Variants in SYNE2 observed in about 807,000 individuals in gnomAD.
SYNE2 encodes nesprin-2.
SYNE2 carries 431 observed loss-of-function variants against 856.3 expected under a neutral mutation model. The observed-to-expected ratio is 0.50, with a 90% CI of 0.47 to 0.55. The LOEUF (loss-of-function observed/expected upper bound fraction) is 0.55. Ranked by LOEUF, SYNE2 falls within the 20% of genes least tolerant of loss-of-function variation. The pLI is 0.00. For missense variants in SYNE2, 8,129 were observed against 8,023.2 expected (o/e 1.01, Z -0.50); for synonymous variants, 2,923 against 2,872.3 (o/e 1.02, Z -0.56).
At position 64,021,822 on chromosome 14, in the gene SYNE2, A is replaced by C. The variant is rs747297473; in HGVS notation, c.5353-35A>C. On this transcript the variant is annotated intron_variant, in intron 36 of 115. Coordinates refer to ENST00000555002, the MANE Select transcript of SYNE2 (RefSeq NM_182914.3). ...GCTTTGTGTAATTTGAGCCTGTTTT[A>C]AGATTTAATGGTTGTTGTTTGTTTA... 2.6e-4 allele frequency: 415 copies of C among 1,610,478 alleles called. 2 individuals carry two copies. The highest frequency in any genetic ancestry group is 3.3e-4 in the Non-Finnish European group (393 of 1,177,134).
intron 31 of SYNE2, among the ~76,000 whole-genome samples, chr14:64,008,984 A>T (rs775409148): frequency 1.3e-5 from 2 of 152,118 alleles, no homozygotes; most frequent in African/African-American, 4.8e-5. Context: ...TCAGAATTCC[A>T]TTTGGGTACA....
chr14:64,100,643 AACAT>A (rs2153639438), intron 63 of SYNE2, among the ~76,000 whole-genome samples: 1 of 147,568 alleles, frequency 6.8e-6, no homozygotes, highest in African/African-American at 2.5e-5. Flanking sequence ...TGAGCTAATT[AACAT>A]ACATGTTACC....
intron 70 of SYNE2, among the ~76,000 whole-genome samples, chr14:64,123,342 C>T (rs1203718413): frequency 6.6e-6 from 1 of 152,236 alleles, no homozygotes; most frequent in Non-Finnish European, 1.5e-5. Context: ...CCCCACTGCG[C>T]ACAAGGCAGG....
intron 2 of SYNE2, among the ~76,000 whole-genome samples, chr14:63,913,394 A>G (rs1390855473): frequency 6.6e-6 from 1 of 151,524 alleles, no homozygotes; most frequent in Non-Finnish European, 1.5e-5. Flanking sequence ...TGCATTCTAT[A>G]TTACTCTGGG....
chr14:63,953,012 G>T (rs570551911), intron 7 of SYNE2, among the ~76,000 whole-genome samples: 5 of 152,268 alleles, frequency 3.3e-5, no homozygotes, highest in Admixed American at 6.5e-5. Flanking sequence ...GTGATGGAGT[G>T]ATTTTTTTAA....
At chr14:63,980,943 A>C in intron 15 of SYNE2, 43 bp from the exon 16 acceptor site, 2 of 1,354,710 alleles carry the variant, frequency 1.5e-6, no homozygotes, top group South Asian at 2.6e-5. Context: ...ATTAATAAAA[A>C]ATTGTTTTCT....
intron 45 of SYNE2, among the ~76,000 whole-genome samples, chr14:64,037,368 C>G (rs1359532670): frequency 6.6e-6 from 1 of 150,976 alleles, no homozygotes; most frequent in Non-Finnish European, 1.5e-5. Flanking sequence ...ATCTGTTTAA[C>G]AAAGCACATC....
intron 1 of SYNE2, among the ~76,000 whole-genome samples, chr14:63,875,309 A>G (rs1045578722): frequency 1.3e-5 from 2 of 152,202 alleles, no homozygotes; most frequent in African/African-American, 4.8e-5. Context: ...AGCATGTGAT[A>G]TAGATAAAAA....
At chr14:64,202,311 C>T (rs2098576287) in intron 99 of SYNE2, 1 of 702,182 alleles carries the variant, frequency 1.4e-6, no homozygotes, top group Admixed American at 2.0e-5. Context: ...AGGAGGGTCC[C>T]ATGAGAGGCC....
chr14:64,006,895 T>A lies in SYNE2; in HGVS notation c.4398-148T>A, dbSNP rs1478701023. On this transcript the variant is annotated intron_variant, in intron 30 of 115. Coordinates refer to ENST00000555002, the MANE Select transcript of SYNE2 (RefSeq NM_182914.3). ...AAAAATTCTGGAAATGCAAAGAGCC[T>A]CCTGAACTCTGTAACAGGAATGTGT... The A allele has an allele frequency of 1.9e-5, 13 of 679,744 alleles. No individual in the cohort carries two copies. In the East Asian group the frequency reaches 2.7e-4, roughly 14 times the overall value. The allele number at this position is 679,744 out of a possible 1,614,324, so 42.1% of individuals were successfully genotyped here. A position where few individuals can be genotyped will look rare whatever the true frequency, so the allele number is the denominator to read the frequency against.
At chr14:63,970,928 C>A (rs1195159063) in intron 11 of SYNE2, among the ~76,000 whole-genome samples, 1 of 151,994 alleles carries the variant, frequency 6.6e-6, no homozygotes, top group Non-Finnish European at 1.5e-5. Flanking sequence ...GCTGGTATTA[C>A]AGACATGAGC....
chr14:64,196,202 G>C (rs1187715456), intron 99 of SYNE2, among the ~76,000 whole-genome samples: 1 of 152,156 alleles, frequency 6.6e-6, no homozygotes, highest in African/African-American at 2.4e-5. Flanking sequence ...TACGTTTCAA[G>C]GTGGGGATAT....
At chr14:63,840,228 G>A (rs149097776) in intron 1 of SYNE2, among the ~76,000 whole-genome samples, 60 of 152,062 alleles carry the variant, frequency 3.9e-4, no homozygotes, top group Non-Finnish European at 6.5e-4. Context: ...CTGAGACAGC[G>A]TCATTGCACT....
intron 1 of SYNE2, among the ~76,000 whole-genome samples, chr14:63,794,010 C>T (rs1280629846): frequency 6.6e-6 from 1 of 151,678 alleles, no homozygotes; most frequent in African/African-American, 2.4e-5. Context: ...GCCTGAAATA[C>T]CATGGTACCA....
Position 64,000,837 on chromosome 14 carries a change from C to CA in SYNE2, c.3638+119dup, listed in dbSNP as rs2096748359. ...TTATTTTATTTGGATGTCACAACAA[C>CA]AGTAAGAGAGGCTACCATTATGATT... is the stretch of plus-strand genomic sequence containing the variant. On this transcript the variant is annotated intron_variant, in intron 28 of 115. Coordinates refer to ENST00000555002, the MANE Select transcript of SYNE2 (RefSeq NM_182914.3). The CA allele has an allele frequency of 5.5e-6, 5 of 907,992 alleles. No homozygotes were observed. The South Asian group carries it at 6.1e-5, about 11-fold the overall frequency. 56.2% of individuals were successfully genotyped at this position (907,992 alleles called of 1,614,324 possible).
At chr14:64,066,220 C>T (rs544949427) in intron 51 of SYNE2, among the ~76,000 whole-genome samples, 1 of 152,254 alleles carries the variant, frequency 6.6e-6, no homozygotes, top group East Asian at 1.9e-4. Flanking sequence ...TTAAAGATAG[C>T]CGGGTGCAGT....
At chr14:64,125,269 A>C in intron 71 of SYNE2, 59 bp downstream of exon 71, 9 of 1,607,126 alleles carry the variant, frequency 5.6e-6, no homozygotes, top group Non-Finnish European at 6.8e-6. Context: ...AGGAGATATC[A>C]TCATTGTGAC....
intron 100 of SYNE2, 50 bp downstream of exon 100, chr14:64,203,013 G>GC (rs756453522): frequency 2.2e-5 from 36 of 1,606,018 alleles, no homozygotes; most frequent in Non-Finnish European, 2.8e-5. Context: ...TCCGCGATAT[G>GC]CACTGACTGA....
Position 64,087,697 on chromosome 14 carries a change from G to A in SYNE2, c.11511G>A (p.Lys3837=), listed in dbSNP as rs761468694. 2.5e-6 allele frequency: 4 copies of A among 1,613,914 alleles called. No homozygotes were observed. The highest frequency in any genetic ancestry group is 1.1e-5 in the South Asian group (1 of 91,090). ...VQMALEDSEQ[K]HNLLHSIFMD... ...TGGCTTTGGAAGATTCAGAACAGAA[G>A]CACAATCTTTTACATTCAATCTTTA... Residue 3837 remains lysine (K), a synonymous_variant, in exon 58 of 116, where the codon AAG becomes AAA. Transcript: ENST00000555002.
Sources: allele counts gnomAD v4.1 joint callset (sites outside exome capture counted in the v4.1 genomes callset), GRCh38; gene constraint gnomAD v4.1.1; transcripts MANE v1.5; gene names NCBI Gene and HGNC (gene_info 2026-07-23, HGNC 2026-07-21).